Variants in SUSD5 observed in about 807,000 individuals in gnomAD.
SUSD5 encodes sushi domain containing 5, also known as sushi domain-containing protein 5.
Under a neutral mutation model 29.5 loss-of-function variants are expected in SUSD5, and 33 were observed. That is an observed-to-expected ratio of 1.12 (90% CI 0.85 to 1.49). SUSD5 has a LOEUF of 1.49. SUSD5 is among the 40% of genes most tolerant of loss of function. The pLI, the probability that SUSD5 is intolerant of heterozygous loss-of-function variation, is 0.00. For synonymous variants in SUSD5, 308 were observed against 325.3 expected (o/e 0.95, Z 0.57); for missense variants, 776 against 800.6 (o/e 0.97, Z 0.37).
In SUSD5 at chr3:33,152,965, T is replaced by C; in HGVS notation, c.1667A>G (p.His556Arg). 6.2e-7 allele frequency: 1 copy of C among 1,613,998 alleles called. No individual in the cohort carries two copies. The highest frequency in any genetic ancestry group is 8.5e-7 in the Non-Finnish European group (1 of 1,179,878). ...CCCCACACACGACTCCAAGGTGGGA[T>C]GAAGCTCCTCACTTGCACCTGGCCC... ...GPGPGASEEL[H>R]PTLESCVGDG... The change falls in exon 5 of 5, where the codon CAT becomes CGT. Residue 556 changes from histidine (H) to arginine (R), a missense_variant. Transcript: ENST00000309558.
In SUSD5 at chr3:33,175,056, G is replaced by A. The variant is rs369972407; in HGVS notation, c.428C>T (p.Pro143Leu). The A allele has an allele frequency of 3.4e-5, 55 of 1,613,852 alleles. No homozygotes were observed. Among genetic ancestry groups the A allele is most frequent in the East Asian group, 4.5e-5 (2 of 44,888 alleles). Residue 143 changes from proline (P) to leucine (L), a missense_variant, in exon 4 of 5, where the codon CCG becomes CTG. By Grantham distance (98) the Pro-to-Leu change is moderately conservative. Coordinates refer to ENST00000309558, the MANE Select transcript of SUSD5 (RefSeq NM_015551.2). ...CAGGATGGTGTGTGGGAACGAAGGC[G>A]GGTCTCCACACGGCTTCTCTGAGGA... is the stretch of plus-strand genomic sequence containing the variant. ...IKDEEKPCGD[P>L]PSFPHTILQG... is the part of the protein sequence containing the mutation.
At position 33,213,822 on chromosome 3, in the gene SUSD5, C is replaced by T; in HGVS notation, c.290+106G>A. 2.4e-6 allele frequency: 3 copies of T among 1,231,824 alleles called. No homozygotes were observed. In the Admixed American group the frequency reaches 7.3e-5, roughly 30 times the overall value. The allele number at this position is 1,231,824 out of a possible 1,614,324, so 76.3% of individuals were successfully genotyped here. A position where few individuals can be genotyped will look rare whatever the true frequency, so the allele number is the denominator to read the frequency against. On this transcript the variant is annotated intron_variant, in intron 2 of 4. Transcript: ENST00000309558. Reference sequence around the variant, plus strand: ...CAAAACATGAACACGCTACTGCCCACTGTACTCTGCCTGTATGGTACCTCA... The same window carrying T: ...CAAAACATGAACACGCTACTGCCCATTGTACTCTGCCTGTATGGTACCTCA...
At chr3:33,194,135 C>T (rs777355805) in intron 3 of SUSD5, among the ~76,000 whole-genome samples, 4 of 152,164 alleles carry the variant, frequency 2.6e-5, no homozygotes, top group Non-Finnish European at 5.9e-5. Context: ...CTTGTGGCAC[C>T]AACCCAGGAA....
chr3:33,200,019 A>G (rs765800405), intron 3 of SUSD5, among the ~76,000 whole-genome samples: 20 of 152,194 alleles, frequency 1.3e-4, no homozygotes, highest in Non-Finnish European at 2.5e-4. Context: ...CTTTGAGCCA[A>G]TAAGTTTCTG....
chr3:33,163,597 C>T (rs568284361), intron 4 of SUSD5, among the ~76,000 whole-genome samples: 1 of 152,250 alleles, frequency 6.6e-6, no homozygotes, highest in East Asian at 1.9e-4. Context: ...CGTGGTGGCT[C>T]ATGCTTATAA....
intron 1 of SUSD5, among the ~76,000 whole-genome samples, chr3:33,217,843 G>A (rs1394312977): frequency 6.6e-6 from 1 of 152,218 alleles, no homozygotes; most frequent in Non-Finnish European, 1.5e-5. Flanking sequence ...CCTCATGGGT[G>A]TGAGAACTGC....
In SUSD5 at chr3:33,152,962, G is replaced by C. The variant is rs758155951; in HGVS notation, c.1670C>G (p.Pro557Arg). Residue 557 changes from proline to arginine, a missense_variant, in exon 5 of 5, where the codon CCC becomes CGC. Coordinates refer to ENST00000309558, the MANE Select transcript of SUSD5 (RefSeq NM_015551.2). ...GTCCCCCACACACGACTCCAAGGTGGGATGAAGCTCCTCACTTGCACCTGG... is the reference window on the plus strand; with the variant it reads ...GTCCCCCACACACGACTCCAAGGTGCGATGAAGCTCCTCACTTGCACCTGG... Reference protein sequence around the residue: ...PGPGASEELHPTLESCVGDGC... With the variant: ...PGPGASEELHRTLESCVGDGC... The C allele has an allele frequency of 6.2e-7, 1 of 1,613,984 alleles. No homozygotes were observed.
intron 4 of SUSD5, among the ~76,000 whole-genome samples, chr3:33,170,942 A>C (rs1218432179): frequency 6.6e-6 from 1 of 152,252 alleles, no homozygotes; most frequent in Non-Finnish European, 1.5e-5. Context: ...GAGAATGAAC[A>C]TTTACTGACC....
intron 3 of SUSD5, among the ~76,000 whole-genome samples, chr3:33,194,547 T>C (rs901246340): frequency 4.4e-4 from 67 of 152,096 alleles, no homozygotes; most frequent in Non-Finnish European, 8.8e-4. Context: ...GCAGAACATG[T>C]TTCAAGGAAG....
In SUSD5 at chr3:33,175,019, G is replaced by C. The variant is rs376717049; in HGVS notation, c.465C>G (p.Thr155=). 1 of 1,614,046 alleles carries C rather than the reference G, an allele frequency of 6.2e-7. No homozygotes were observed. Among genetic ancestry groups the C allele is most frequent in the Non-Finnish European group, 8.5e-7 (1 of 1,179,900 alleles). The part of the protein sequence containing the change: ...SFPHTILQGR[T]GLEMGDELLY... ...GCAGTTCATCCCCCATTTCCAAGCC[G>C]GTGCGGCCCTGCAGGATGGTGTGTG... The change falls in exon 4 of 5, where the codon ACC becomes ACG. Residue 155 remains threonine, a synonymous_variant. Transcript: ENST00000309558.
In SUSD5 at chr3:33,192,181, C is replaced by G. The variant is rs528662300; in HGVS notation, c.409+15627G>C. Reference sequence around the variant, plus strand: ...CTCCACATCCCAGGTTCAAGCGATTCTCCTGCCTCAGCCTTCCAAGTAGCT... The same window carrying G: ...CTCCACATCCCAGGTTCAAGCGATTGTCCTGCCTCAGCCTTCCAAGTAGCT... On this transcript the variant is annotated intron_variant, in intron 3 of 4. Transcript: ENST00000309558. Among the ~76,000 whole-genome samples, 4 of 151,824 alleles carry G rather than the reference C, an allele frequency of 2.6e-5. No individual in the cohort carries two copies. In the South Asian group the frequency reaches 8.3e-4, roughly 32 times the overall value.
Position 33,167,063 on chromosome 3 carries a change from C to T in SUSD5, c.598+7823G>A, listed in dbSNP as rs1356862987. ...GCGTGGTGGTGCGTGCCTGTAATCCCAGGTACTCAGGACGCTGAGGCAGAA... is the reference window on the plus strand; with the variant it reads ...GCGTGGTGGTGCGTGCCTGTAATCCTAGGTACTCAGGACGCTGAGGCAGAA... On this transcript the variant is annotated intron_variant, in intron 4 of 4. Transcript: ENST00000309558. The surrounding 1 kb of genome is among the most constrained non-coding windows in gnomAD (Gnocchi z 4.1). 6.6e-6 allele frequency among the ~76,000 whole-genome samples: 1 copy of T among 152,020 alleles called. No homozygotes were observed. The highest frequency in any genetic ancestry group is 1.5e-5 in the Non-Finnish European group (1 of 68,024).
At chr3:33,214,634 A>G (rs1186942349) in intron 1 of SUSD5, among the ~76,000 whole-genome samples, 1 of 152,118 alleles carries the variant, frequency 6.6e-6, no homozygotes, top group Non-Finnish European at 1.5e-5. Context: ...CCTACTGCAC[A>G]AGAAAACAGG....
chr3:33,194,937 G>A (rs1428705900), intron 3 of SUSD5, among the ~76,000 whole-genome samples: 1 of 152,182 alleles, frequency 6.6e-6, no homozygotes, highest in Admixed American at 6.5e-5. Context: ...GCTCACACCT[G>A]TAATCCCAGC....
intron 3 of SUSD5, among the ~76,000 whole-genome samples, chr3:33,194,848 A>C (rs1210853245): frequency 1.3e-5 from 2 of 152,210 alleles, no homozygotes; most frequent in Non-Finnish European, 2.9e-5. Context: ...TTATTAGTAA[A>C]TAATCACTTT....
chr3:33,218,540 G>A (rs1350189496), intron 1 of SUSD5, 146 bp downstream of exon 1: 1 of 730,938 alleles, frequency 1.4e-6, no homozygotes, highest in Non-Finnish European at 1.9e-6. Flanking sequence ...GGGATGCTGG[G>A]TCGCAGGACC....
chr3:33,201,737 G>T (rs1409204215), intron 3 of SUSD5, among the ~76,000 whole-genome samples: 1 of 152,106 alleles, frequency 6.6e-6, no homozygotes, highest in East Asian at 1.9e-4. Flanking sequence ...AAGCCCCCAA[G>T]CATGTGCTGA....
At chr3:33,213,671 G>A (rs1415859379) in intron 2 of SUSD5, among the ~76,000 whole-genome samples, 3 of 152,140 alleles carry the variant, frequency 2.0e-5, no homozygotes, top group East Asian at 3.9e-4. Context: ...CTACTCGGGA[G>A]GCTGAGGCAG....
At chr3:33,166,888 T>A (rs2031314685) in intron 4 of SUSD5, among the ~76,000 whole-genome samples, 2 of 152,048 alleles carry the variant, frequency 1.3e-5, no homozygotes, top group South Asian at 2.1e-4. Flanking sequence ...GTGTTACCCA[T>A]CCCATGAGCT....
Sources: gnomAD v4.1 joint callset for allele counts (sites outside exome capture counted in the v4.1 genomes callset) on GRCh38, gnomAD v4.1.1 for gene constraint, Gnocchi (gnomAD v3.1) non-coding constraint, MANE v1.5 for transcripts, NCBI Gene and HGNC (gene_info 2026-07-23, HGNC 2026-07-21) for gene names.